The following ITPR1 variants were observed in gnomAD, a reference collection of about 807,000 sequenced individuals.
ITPR1 encodes the protein inositol 1,4,5-trisphosphate receptor type 1, also known as inositol 1,4,5-trisphosphate-gated calcium channel ITPR1.
In ITPR1, 96 loss-of-function variants were observed where a neutral mutation model predicts 318.4. That is an observed-to-expected ratio of 0.30 (90% confidence interval 0.26 to 0.36). ITPR1 has a LOEUF of 0.36. Ranked by LOEUF, ITPR1 falls within the 10% of genes least tolerant of loss-of-function variation. The pLI, the probability that ITPR1 is intolerant of heterozygous loss-of-function variation, is 1.00. For missense variants in ITPR1, 2,440 were observed against 3,460.2 expected (o/e 0.71, Z 7.40); for synonymous variants, 1,312 against 1,289.9 (o/e 1.02, Z -0.37).
chr3:4,818,412 G>T (rs1280117050), intron 60 of ITPR1, among the ~76,000 whole-genome samples, 170 bp downstream of exon 60: 1 of 152,112 alleles, frequency 6.6e-6, no homozygotes, highest in Non-Finnish European at 1.5e-5. Flanking sequence ...GTGTTCTCTG[G>T]AGTGATCCTC....
Position 4,507,573 on chromosome 3 carries a change from G to T in ITPR1, c.-16-8903G>T, listed in dbSNP as rs555053249. On this transcript the variant is annotated intron_variant, in intron 2 of 61. Coordinates refer to ENST00000649015, the MANE Select transcript of ITPR1 (RefSeq NM_001378452.1). Reference sequence around the variant, plus strand: ...AGAAACGCTGAGAATGTGGAAGCTAGTGGTACTTGTCCTACGTTCATCTTT... The same window carrying T: ...AGAAACGCTGAGAATGTGGAAGCTATTGGTACTTGTCCTACGTTCATCTTT... Among the ~76,000 whole-genome samples, 27 of 152,352 alleles carry T rather than the reference G, an allele frequency of 1.8e-4. No individual in the cohort carries two copies. In the South Asian group the frequency reaches 5.6e-3, roughly 32 times the overall value.
chr3:4,758,676 A>G (rs1447141854), intron 44 of ITPR1, among the ~76,000 whole-genome samples: 3 of 152,228 alleles, frequency 2.0e-5, no homozygotes, highest in Non-Finnish European at 2.9e-5. Flanking sequence ...TCTTGCACCT[A>G]AAGAAAGGAG....
intron 54 of ITPR1, among the ~76,000 whole-genome samples, chr3:4,804,730 C>T (rs1242235834): frequency 2.6e-5 from 4 of 152,158 alleles, no homozygotes; most frequent in Non-Finnish European, 4.4e-5. Context: ...CTCTGAAATC[C>T]CCTCCACTAG....
chr3:4,555,988 G>C (rs114434943), intron 4 of ITPR1, among the ~76,000 whole-genome samples: 1 of 152,158 alleles, frequency 6.6e-6, no homozygotes, highest in Admixed American at 6.5e-5. Context: ...ACACTGCGTC[G>C]TGCTGTGTTT....
At position 4,746,423 on chromosome 3, in the gene ITPR1, G is replaced by A. The variant is rs150458779; in HGVS notation, c.5544+11069G>A. On this transcript the variant is annotated intron_variant, in intron 44 of 61. Coordinates refer to ENST00000649015, the MANE Select transcript of ITPR1 (RefSeq NM_001378452.1). ...CAACTCATGCCTGCCAATCCCCAGC[G>A]GGGCCATGAACTCAGATGCCTTTGC... 4.1e-3 allele frequency among the ~76,000 whole-genome samples: 627 copies of A among 152,306 alleles called. 2 individuals are homozygous for A. The highest frequency in any genetic ancestry group is 7.1e-3 in the Non-Finnish European group (481 of 68,028).
chr3:4,727,943 A>AG (rs2042639977), intron 42 of ITPR1, among the ~76,000 whole-genome samples: 1 of 152,204 alleles, frequency 6.6e-6, no homozygotes, highest in Admixed American at 6.5e-5. Context: ...CAACAGACAC[A>AG]GGCACATTTG....
intron 30 of ITPR1, among the ~76,000 whole-genome samples, chr3:4,686,306 G>T (rs3804988): frequency 6.6e-6 from 1 of 152,104 alleles, no homozygotes; most frequent in Non-Finnish European, 1.5e-5. Flanking sequence ...CATATGAATC[G>T]GGCAGGTCAG....
intron 24 of ITPR1, among the ~76,000 whole-genome samples, chr3:4,677,004 C>T (rs1662850801): frequency 3.3e-5 from 5 of 152,184 alleles, no homozygotes; most frequent in Admixed American, 3.3e-4. Flanking sequence ...GGCCATGTCC[C>T]TCCAGCCATG....
chr3:4,674,608 C>G (rs918732261), intron 22 of ITPR1, among the ~76,000 whole-genome samples: 2 of 152,208 alleles, frequency 1.3e-5, no homozygotes, highest in African/African-American at 4.8e-5. Context: ...TGTGTTAAAA[C>G]TGACAAGAGA....
intron 4 of ITPR1, among the ~76,000 whole-genome samples, chr3:4,523,002 A>AT (rs368990207): frequency 2.1e-3 from 321 of 152,324 alleles, no homozygotes; most frequent in African/African-American, 7.2e-3. Context: ...GGGCATTGGG[A>AT]TTTTTGAAAG....
intron 27 of ITPR1, 32 bp from the exon 28 acceptor site, chr3:4,683,596 T>C: frequency 1.2e-6 from 2 of 1,614,010 alleles, no homozygotes; most frequent in Non-Finnish European, 1.7e-6. Context: ...CAAGAAGCTG[T>C]TGTGTGCACC....
intron 4 of ITPR1, among the ~76,000 whole-genome samples, chr3:4,523,555 C>G (rs557876784): frequency 6.6e-6 from 1 of 152,218 alleles, no homozygotes; most frequent in East Asian, 1.9e-4. Context: ...TAACTGAAAT[C>G]TGTATCCCTT....
chr3:4,681,705 C>T (rs759408359), intron 26 of ITPR1, among the ~76,000 whole-genome samples: 7 of 149,744 alleles, frequency 4.7e-5, no homozygotes, highest in African/African-American at 1.2e-4. Context: ...AAAATACCTA[C>T]ATTACAAGAT....
At chr3:4,730,924 A>G (rs1279677197) in intron 42 of ITPR1, among the ~76,000 whole-genome samples, 2 of 152,156 alleles carry the variant, frequency 1.3e-5, no homozygotes, top group Non-Finnish European at 2.9e-5. Context: ...GTCTCAGCCC[A>G]GCCATCTAGC....
At chr3:4,601,715 A>G (rs2091300729) in intron 4 of ITPR1, among the ~76,000 whole-genome samples, 2 of 152,194 alleles carry the variant, frequency 1.3e-5, no homozygotes, top group African/African-American at 4.8e-5. Context: ...GCACTTCGTC[A>G]AAATTAAAAC....
chr3:4,645,736 T>C lies in ITPR1; in HGVS notation c.855+8T>C, dbSNP rs750692979. On this transcript the variant is annotated splice_region_variant and intron_variant, in intron 10 of 61. Transcript: ENST00000649015. Reference sequence around the variant, plus strand: ...GCCCTGTGGGAGGTGGAGGTAAGGGTAGGGTGGAGAAAGGGCTCCTGGGTT... The same window carrying C: ...GCCCTGTGGGAGGTGGAGGTAAGGGCAGGGTGGAGAAAGGGCTCCTGGGTT... 15 of 1,610,828 alleles carry C rather than the reference T, an allele frequency of 9.3e-6. No homozygotes were observed. Among genetic ancestry groups the C allele is most frequent in the Non-Finnish European group, 1.3e-5 (15 of 1,179,378 alleles).
At chr3:4,649,894 A>G (rs2093555081) in intron 10 of ITPR1, among the ~76,000 whole-genome samples, 1 of 152,176 alleles carries the variant, frequency 6.6e-6, no homozygotes, top group Non-Finnish European at 1.5e-5. Flanking sequence ...ACTCGGCCTC[A>G]TGACCTAATC....
intron 32 of ITPR1, among the ~76,000 whole-genome samples, chr3:4,693,076 A>C (rs1188561358): frequency 6.6e-6 from 1 of 152,232 alleles, no homozygotes; most frequent in Non-Finnish European, 1.5e-5. Flanking sequence ...GTGAGCCGAG[A>C]TCACGGCATT....
At chr3:4,547,136 C>T (rs1429692132) in intron 4 of ITPR1, among the ~76,000 whole-genome samples, 1 of 152,146 alleles carries the variant, frequency 6.6e-6, no homozygotes, top group Non-Finnish European at 1.5e-5. Context: ...ATTTATAGTA[C>T]GGTTGTAGTT....
Sources: gnomAD v4.1 joint callset for allele counts (sites outside exome capture counted in the v4.1 genomes callset) on GRCh38, gnomAD v4.1.1 for gene constraint, MANE v1.5 for transcripts, NCBI Gene and HGNC (gene_info 2026-07-23, HGNC 2026-07-21) for gene names.